The following PTPRO variants were observed in gnomAD, a reference collection of about 807,000 sequenced individuals.
PTPRO encodes protein tyrosine phosphatase receptor type O, also known as receptor-type tyrosine-protein phosphatase O.
In PTPRO, 62 loss-of-function variants were observed where a neutral mutation model predicts 145.2. The ratio of observed to expected loss-of-function variants is 0.43; its 90% CI spans 0.35 to 0.53. The LOEUF is 0.53. Among genes scored for constraint, PTPRO ranks in the 20% least tolerant of loss-of-function variants. The pLI, the probability that PTPRO is intolerant of heterozygous loss-of-function variation, is 0.01. For missense variants in PTPRO, 1,345 were observed against 1,482.7 expected (o/e 0.91, Z 1.53); for synonymous variants, 565 against 514.7 (o/e 1.10, Z -1.32).
chr12:15,560,797 T>C (rs538673031), intron 17 of PTPRO, among the ~76,000 whole-genome samples: 15 of 152,106 alleles, frequency 9.9e-5, no homozygotes, highest in Non-Finnish European at 2.1e-4. Flanking sequence ...AGAGTATTAC[T>C]AGTCCCATTT....
At chr12:15,563,593 C>T (rs1943828997) in intron 17 of PTPRO, among the ~76,000 whole-genome samples, 1 of 151,880 alleles carries the variant, frequency 6.6e-6, no homozygotes, top group Non-Finnish European at 1.5e-5. Flanking sequence ...GATAATATGT[C>T]ATACAAAACA....
At chr12:15,530,605 A>G (rs1942941952) in intron 12 of PTPRO, among the ~76,000 whole-genome samples, 1 of 152,202 alleles carries the variant, frequency 6.6e-6, no homozygotes. Context: ...ATGGAAATTG[A>G]ACAACATGTT....
At chr12:15,326,087 GGTCT>G (rs1267129954) in intron 1 of PTPRO, among the ~76,000 whole-genome samples, 1 of 152,002 alleles carries the variant, frequency 6.6e-6, no homozygotes, top group Non-Finnish European at 1.5e-5. Flanking sequence ...TGTTTTCCAC[GGTCT>G]GTCTGCCTTT....
At chr12:15,337,857 A>T (rs778510803) in intron 1 of PTPRO, among the ~76,000 whole-genome samples, 1 of 152,206 alleles carries the variant, frequency 6.6e-6, no homozygotes, top group Non-Finnish European at 1.5e-5. Flanking sequence ...TAACATTATG[A>T]TGAAGGAAAG....
At chr12:15,453,377 G>A (rs759077563) in intron 1 of PTPRO, among the ~76,000 whole-genome samples, 12 of 152,134 alleles carry the variant, frequency 7.9e-5, no homozygotes, top group Admixed American at 2.0e-4. Context: ...CTAATTGCCC[G>A]GAGAATTTAT....
intron 9 of PTPRO, among the ~76,000 whole-genome samples, chr12:15,519,503 C>G (rs1405831914): frequency 6.6e-6 from 1 of 152,130 alleles, no homozygotes; most frequent in African/African-American, 2.4e-5. Context: ...ATTTGTTAAT[C>G]AACATTTTTT....
At chr12:15,528,856 A>T (rs1332679932) in intron 12 of PTPRO, among the ~76,000 whole-genome samples, 4 of 152,122 alleles carry the variant, frequency 2.6e-5, no homozygotes, top group African/African-American at 9.7e-5. Flanking sequence ...GAGGAAGAAC[A>T]TTTTTACAGT....
chr12:15,581,779 G>A lies in PTPRO; in HGVS notation c.3233G>A (p.Cys1078Tyr). The A allele has an allele frequency of 6.2e-7, 1 of 1,613,996 alleles. No individual in the cohort carries two copies. The highest frequency in any genetic ancestry group is 8.5e-7 in the Non-Finnish European group (1 of 1,179,916). Residue 1078 changes from cysteine (C) to tyrosine (Y), a missense_variant, in exon 23 of 27, where the codon TGT becomes TAT. By Grantham distance (194) the Cys-to-Tyr change is radical. Coordinates refer to ENST00000281171, the MANE Select transcript of PTPRO (RefSeq NM_030667.3). ...GAGGAAGAGCAGGACGACTGGGCCT[G>A]TAGACACTTCCGGATCAACTATGTA... ...ISEEEQDDWACRHFRINYADE... is the reference protein window; with the variant it reads ...ISEEEQDDWAYRHFRINYADE...
intron 10 of PTPRO, among the ~76,000 whole-genome samples, chr12:15,521,661 C>A (rs1281871986): frequency 6.6e-6 from 1 of 152,110 alleles, no homozygotes; most frequent in Non-Finnish European, 1.5e-5. Context: ...GTAGAACCCC[C>A]TAAAATGTCA....
At chr12:15,348,143 A>T (rs1937653662) in intron 1 of PTPRO, 1 of 152,204 alleles carries the variant, frequency 6.6e-6, no homozygotes, top group African/African-American at 2.4e-5. Context: ...AAGATTAAGG[A>T]CCTTACAACA....
chr12:15,345,201 C>G (rs1253726347), intron 1 of PTPRO, among the ~76,000 whole-genome samples: 1 of 152,120 alleles, frequency 6.6e-6, no homozygotes, highest in Admixed American at 6.5e-5. Context: ...CTTCCTGAAC[C>G]TAGCATGCAG....
intron 1 of PTPRO, among the ~76,000 whole-genome samples, chr12:15,333,078 G>GT (rs1346185562): frequency 6.6e-6 from 1 of 152,162 alleles, no homozygotes; most frequent in Non-Finnish European, 1.5e-5. Flanking sequence ...GTAGAAAACA[G>GT]TTTTTATTCT....
chr12:15,463,002 C>A (rs1355638283), intron 1 of PTPRO, among the ~76,000 whole-genome samples: 2 of 151,936 alleles, frequency 1.3e-5, no homozygotes, highest in Non-Finnish European at 2.9e-5. Context: ...TATAACTCAT[C>A]ATATTATTAT....
At chr12:15,461,565 G>A (rs957277013) in intron 1 of PTPRO, among the ~76,000 whole-genome samples, 5 of 109,262 alleles carry the variant, frequency 4.6e-5, no homozygotes, top group East Asian at 3.0e-4. Context: ...TATTGCTATA[G>A]CTTTTTTTTT....
Position 15,568,199 on chromosome 12 carries a change from G to T in PTPRO, c.2748-1218G>T, listed in dbSNP as rs142440211. Among the ~76,000 whole-genome samples the T allele has an allele frequency of 7.2e-3, 1,093 of 152,178 alleles. 16 individuals carry two copies. Among genetic ancestry groups the T allele is most frequent in the African/African-American group, 0.025 (1,048 of 41,516 alleles). ...AATCCCAGCACTTTGGGAGGCTGAG[G>T]CAGGTGGATCACTTGAGGTCAGGAT... On this transcript the variant is annotated intron_variant, in intron 18 of 26. Transcript: ENST00000281171.
chr12:15,413,338 C>A (rs1271736087), intron 1 of PTPRO, among the ~76,000 whole-genome samples: 1 of 152,112 alleles, frequency 6.6e-6, no homozygotes, highest in East Asian at 1.9e-4. Flanking sequence ...CTCAAATGAA[C>A]CCACCCACCT....
chr12:15,338,033 T>C (rs1411844268), intron 1 of PTPRO, among the ~76,000 whole-genome samples: 2 of 152,186 alleles, frequency 1.3e-5, no homozygotes, highest in Admixed American at 1.3e-4. Flanking sequence ...GATCTGGACA[T>C]ACACTCACAA....
At chr12:15,526,045 G>A in intron 11 of PTPRO, 97 bp from the exon 12 acceptor site, 1 of 1,434,968 alleles carries the variant, frequency 7.0e-7, no homozygotes, top group South Asian at 1.1e-5. Context: ...GCATAGAACA[G>A]AGAGGGAATG....
At chr12:15,566,388 A>G (rs550060636) in intron 18 of PTPRO, among the ~76,000 whole-genome samples, 1 of 152,348 alleles carries the variant, frequency 6.6e-6, no homozygotes. Context: ...GTAATCCATG[A>G]CATAATCCAA....
Sources: allele counts gnomAD v4.1 joint callset (sites outside exome capture counted in the v4.1 genomes callset), GRCh38; gene constraint gnomAD v4.1.1; transcripts MANE v1.5; gene names NCBI Gene and HGNC (gene_info 2026-07-23, HGNC 2026-07-21).